KIF26B: variants seen among roughly 807,000 people sequenced by gnomAD.
The protein encoded by KIF26B is kinesin family member 26B.
Under a neutral mutation model 151.2 loss-of-function variants are expected in KIF26B, and 63 were observed. The observed-to-expected ratio is 0.42, with a 90% confidence interval of 0.34 to 0.51. The LOEUF is 0.51. KIF26B is among the 20% of genes least tolerant of loss of function. The pLI is 0.07. For missense variants in KIF26B, 2,813 were observed against 2,913.6 expected (o/e 0.97, Z 0.79); for synonymous variants, 1,357 against 1,262.1 (o/e 1.08, Z -1.59).
At chr1:245,610,901 G>A (rs1245109715) in intron 8 of KIF26B, among the ~76,000 whole-genome samples, 1 of 152,222 alleles carries the variant, frequency 6.6e-6, no homozygotes, top group Non-Finnish European at 1.5e-5. Context: ...TATAGTTAGA[G>A]TAGAAAATTG....
intron 4 of KIF26B, among the ~76,000 whole-genome samples, chr1:245,506,237 T>C (rs1660726691): frequency 6.6e-6 from 1 of 152,194 alleles, no homozygotes; most frequent in East Asian, 1.9e-4. Flanking sequence ...TCACAGACAC[T>C]CCTGTGTTTT....
intron 10 of KIF26B, among the ~76,000 whole-genome samples, chr1:245,647,409 A>G (rs1486977534): frequency 7.1e-5 from 9 of 126,246 alleles, no homozygotes; most frequent in Non-Finnish European, 1.1e-4. Context: ...TGGGCAACAG[A>G]GCGAGACTCC....
At chr1:245,204,696 C>G (rs1351912012) in intron 2 of KIF26B, among the ~76,000 whole-genome samples, 2 of 152,060 alleles carry the variant, frequency 1.3e-5, no homozygotes, top group African/African-American at 4.8e-5. Flanking sequence ...TCTTAAATTT[C>G]TCTTATGGCT....
intron 2 of KIF26B, among the ~76,000 whole-genome samples, chr1:245,292,402 G>A (rs566607959): frequency 7.2e-4 from 110 of 152,214 alleles, no homozygotes; most frequent in African/African-American, 2.5e-3. Flanking sequence ...CTGGCAAGGC[G>A]GCAGAGGGGC....
intron 4 of KIF26B, among the ~76,000 whole-genome samples, chr1:245,532,691 A>G (rs1661400681): frequency 1.3e-5 from 2 of 152,164 alleles, no homozygotes; most frequent in Admixed American, 1.3e-4. Flanking sequence ...GCCTCCTAGC[A>G]GTAAACATGT....
chr1:245,212,913 T>C (rs1251049674), intron 2 of KIF26B, among the ~76,000 whole-genome samples: 1 of 152,244 alleles, frequency 6.6e-6, no homozygotes, highest in Non-Finnish European at 1.5e-5. Context: ...ACGTCATTGA[T>C]GGGGGTTCTC....
intron 5 of KIF26B, among the ~76,000 whole-genome samples, chr1:245,595,594 T>G (rs1306832151): frequency 6.6e-6 from 1 of 152,204 alleles, no homozygotes; most frequent in Non-Finnish European, 1.5e-5. Flanking sequence ...CACATCGATG[T>G]TCATCAGGGA....
chr1:245,525,319 C>T (rs10754456), intron 4 of KIF26B, among the ~76,000 whole-genome samples: 150,362 of 152,338 alleles, frequency 0.99, 74,233 homozygotes, highest in East Asian at 1. Flanking sequence ...CATTTCTTGG[C>T]AGTCAGTCAC....
chr1:245,180,624 T>TA (rs770733258), intron 2 of KIF26B, among the ~76,000 whole-genome samples: 16 of 152,174 alleles, frequency 1.1e-4, no homozygotes, highest in South Asian at 2.1e-4. Context: ...GTGGTCACTT[T>TA]AAAAAAATCT....
intron 9 of KIF26B, among the ~76,000 whole-genome samples, chr1:245,624,483 G>T (rs181550669): frequency 3.3e-5 from 5 of 152,304 alleles, no homozygotes; most frequent in Non-Finnish European, 7.4e-5. Flanking sequence ...ATAGTGTCTT[G>T]TGGTTTTAGT....
rs560996332 is a variant in KIF26B, at chr1:245,452,257, C to T, written c.1166+32512C>T. On this transcript the variant is annotated intron_variant, in intron 4 of 14. Coordinates refer to ENST00000407071, the MANE Select transcript of KIF26B (RefSeq NM_018012.4). ...GGTTTATCCATGTTGTAGTGTGCATCGGAATTTTATTCCTTTGTATGGCTG... is the reference window on the plus strand; with the variant it reads ...GGTTTATCCATGTTGTAGTGTGCATTGGAATTTTATTCCTTTGTATGGCTG... 1.1e-4 allele frequency among the ~76,000 whole-genome samples: 16 copies of T among 152,278 alleles called. No individual in the cohort carries two copies. In the East Asian group the frequency reaches 2.3e-3, roughly 22 times the overall value.
chr1:245,634,942 C>T (rs554712457), intron 9 of KIF26B, among the ~76,000 whole-genome samples: 7 of 152,120 alleles, frequency 4.6e-5, no homozygotes, highest in East Asian at 3.9e-4. Flanking sequence ...TCTTGAACTT[C>T]GGGCCTGAAG....
Position 245,167,887 on chromosome 1 carries a change from G to C in KIF26B, c.465+11204G>C, listed in dbSNP as rs1026744258. Among the ~76,000 whole-genome samples the C allele has an allele frequency of 1.3e-5, 2 of 152,082 alleles. No homozygotes were observed. The highest frequency in any genetic ancestry group is 4.8e-5 in the African/African-American group (2 of 41,400). On this transcript the variant is annotated intron_variant, in intron 2 of 14. Transcript: ENST00000407071. The surrounding 1 kb of genome is among the most constrained non-coding windows in gnomAD (Gnocchi z 4.2). Reference sequence around the variant, plus strand: ...AGAGGGGAGGAGGAGGAGGACGGATGAGAGAGAGGGCGAGGAAACAAAGAA... The same window carrying C: ...AGAGGGGAGGAGGAGGAGGACGGATCAGAGAGAGGGCGAGGAAACAAAGAA...
intron 2 of KIF26B, among the ~76,000 whole-genome samples, chr1:245,238,706 C>G (rs1385077004): frequency 1.3e-5 from 2 of 151,938 alleles, no homozygotes; most frequent in Non-Finnish European, 2.9e-5. Flanking sequence ...ACTAAAAATA[C>G]AAAAATTTAG....
intron 3 of KIF26B, among the ~76,000 whole-genome samples, chr1:245,400,767 G>C (rs1673980386): frequency 6.6e-6 from 1 of 152,084 alleles, no homozygotes. Context: ...TGTTATTAAA[G>C]TTAATTTCAC....
chr1:245,452,062 C>T lies in KIF26B; in HGVS notation c.1166+32317C>T, dbSNP rs150423727. ...TGTTTTCAAAACTTTTTCATCCCTC[C>T]AAACAATCTCTGTAACCATTAAGTA... On this transcript the variant is annotated intron_variant, in intron 4 of 14. Transcript: ENST00000407071. 2.1e-3 allele frequency among the ~76,000 whole-genome samples: 322 copies of T among 152,272 alleles called. 1 individual carries two copies. The highest frequency in any genetic ancestry group is 7.4e-3 in the African/African-American group (306 of 41,546).
chr1:245,213,944 G>A (rs1458899936), intron 2 of KIF26B, among the ~76,000 whole-genome samples: 1 of 152,180 alleles, frequency 6.6e-6, no homozygotes, highest in Non-Finnish European at 1.5e-5. Context: ...CCCTTCCCAT[G>A]ACATTATTGT....
chr1:245,537,443 C>G (rs1176799366), intron 4 of KIF26B, among the ~76,000 whole-genome samples: 1 of 152,168 alleles, frequency 6.6e-6, no homozygotes. Context: ...CTTGAGCAGA[C>G]TTAAATCTTA....
At chr1:245,471,034 C>G (rs1193905817) in intron 4 of KIF26B, among the ~76,000 whole-genome samples, 1 of 151,898 alleles carries the variant, frequency 6.6e-6, no homozygotes, top group Non-Finnish European at 1.5e-5. Context: ...ATTTTGGCTT[C>G]TACATTTATT....
Sources: gnomAD v4.1 joint callset for allele counts (sites outside exome capture counted in the v4.1 genomes callset) on GRCh38, gnomAD v4.1.1 for gene constraint, Gnocchi (gnomAD v3.1) non-coding constraint, MANE v1.5 for transcripts, NCBI Gene and HGNC (gene_info 2026-07-23, HGNC 2026-07-21) for gene names.